Variants in MAN1C1 observed in about 807,000 individuals in gnomAD.
MAN1C1 encodes the protein mannosyl-oligosaccharide 1,2-alpha-mannosidase IC.
Under a neutral mutation model 71.5 loss-of-function variants are expected in MAN1C1, and 49 were observed. That is an observed-to-expected ratio of 0.69 (90% CI 0.54 to 0.87). The LOEUF is 0.87. Among genes scored for constraint, MAN1C1 ranks in the 40% least tolerant of loss-of-function variants. MAN1C1 has a pLI of 0.00. For synonymous variants in MAN1C1, 352 were observed against 343.7 expected, an observed-to-expected ratio of 1.02 and a Z score of -0.27; for missense variants, 743 against 835.0, an observed-to-expected ratio of 0.89 and a Z score of 1.36.
chr1:25,635,405 G>A (rs1005485616), intron 1 of MAN1C1, among the ~76,000 whole-genome samples: 1 of 146,488 alleles, frequency 6.8e-6, no homozygotes, highest in Non-Finnish European at 1.5e-5. Flanking sequence ...GTCTAAAATT[G>A]TTCCTAAGAT....
At chr1:25,754,372 C>T (rs2047256846) in intron 5 of MAN1C1, among the ~76,000 whole-genome samples, 1 of 152,188 alleles carries the variant, frequency 6.6e-6, no homozygotes, top group Non-Finnish European at 1.5e-5. Context: ...CGATCACTGT[C>T]CTGGGGAGGT....
intron 1 of MAN1C1, among the ~76,000 whole-genome samples, chr1:25,629,609 C>T (rs1365845744): frequency 4.6e-5 from 7 of 152,076 alleles, no homozygotes; most frequent in Admixed American, 2.6e-4. Context: ...TTAGTAGAGA[C>T]AGGGTTTCAC....
At chr1:25,641,070 CT>C (rs2045530424) in intron 1 of MAN1C1, among the ~76,000 whole-genome samples, 1 of 152,266 alleles carries the variant, frequency 6.6e-6, no homozygotes, top group East Asian at 1.9e-4. Flanking sequence ...TCTGTATAGC[CT>C]GTAGTCTTTT....
At chr1:25,695,033 G>C (rs1173219334) in intron 2 of MAN1C1, among the ~76,000 whole-genome samples, 3 of 151,908 alleles carry the variant, frequency 2.0e-5, no homozygotes, top group Admixed American at 6.5e-5. Flanking sequence ...GTATACATTT[G>C]ACTTATCTGG....
Position 25,763,863 on chromosome 1 carries a change from T to A in MAN1C1, c.1048-11T>A, listed in dbSNP as rs1249738050. 6.2e-7 allele frequency: 1 copy of A among 1,612,724 alleles called. No individual in the cohort carries two copies. Among genetic ancestry groups the A allele is most frequent in the Non-Finnish European group, 8.5e-7 (1 of 1,179,036 alleles). On this transcript the variant is annotated splice_polypyrimidine_tract_variant and intron_variant, in intron 6 of 11. Coordinates refer to ENST00000374332, the MANE Select transcript of MAN1C1 (RefSeq NM_020379.4). Reference sequence around the variant, plus strand: ...AGCATGAAGGCTCACCTGGTGTCCGTCTCTCGGCAGGTCAGGAACATCCGC... The same window carrying A: ...AGCATGAAGGCTCACCTGGTGTCCGACTCTCGGCAGGTCAGGAACATCCGC...
intron 2 of MAN1C1, among the ~76,000 whole-genome samples, chr1:25,724,687 A>T (rs2046810468): frequency 6.6e-6 from 1 of 152,150 alleles, no homozygotes; most frequent in Non-Finnish European, 1.5e-5. Flanking sequence ...CTCTACCATG[A>T]GTGTCTAGGC....
intron 2 of MAN1C1, among the ~76,000 whole-genome samples, chr1:25,718,870 G>A (rs1021730003): frequency 6.6e-6 from 1 of 151,998 alleles, no homozygotes; most frequent in Admixed American, 6.6e-5. Flanking sequence ...TGGCTACTAT[G>A]AATAATGCTG....
At chr1:25,767,959 T>C (rs1572207152) in intron 7 of MAN1C1, among the ~76,000 whole-genome samples, 3 of 65,364 alleles carry the variant, frequency 4.6e-5, no homozygotes, top group Admixed American at 1.9e-4. Flanking sequence ...CTCACATACA[T>C]CCACACTCCC....
chr1:25,699,397 C>T (rs934254476), intron 2 of MAN1C1, among the ~76,000 whole-genome samples: 1 of 151,608 alleles, frequency 6.6e-6, no homozygotes, highest in Non-Finnish European at 1.5e-5. Context: ...GGAGATGTGG[C>T]AAGACCTCGG....
chr1:25,647,268 A>G (rs772257885), intron 1 of MAN1C1, among the ~76,000 whole-genome samples: 5 of 152,032 alleles, frequency 3.3e-5, no homozygotes, highest in Non-Finnish European at 7.4e-5. Flanking sequence ...TTTTGGGAGC[A>G]TGTGGTGGGA....
intron 1 of MAN1C1, among the ~76,000 whole-genome samples, chr1:25,632,075 G>A (rs2045389870): frequency 1.3e-5 from 2 of 152,202 alleles, no homozygotes; most frequent in South Asian, 4.1e-4. Context: ...GCCGTGTCCA[G>A]CCCCAATTCT....
intron 2 of MAN1C1, among the ~76,000 whole-genome samples, chr1:25,704,359 C>G (rs976036358): frequency 6.6e-6 from 1 of 152,238 alleles, no homozygotes; most frequent in African/African-American, 2.4e-5. Context: ...AGTACAGATG[C>G]TGGGAATGGG....
intron 1 of MAN1C1, among the ~76,000 whole-genome samples, chr1:25,635,268 G>GT (rs1016916927): frequency 6.6e-6 from 1 of 151,758 alleles, no homozygotes; most frequent in Non-Finnish European, 1.5e-5. Flanking sequence ...AAGCCAAGAA[G>GT]TTTTTTTGGG....
chr1:25,779,617 T>C lies in MAN1C1; in HGVS notation c.1477+1293T>C, dbSNP rs1260062104. ...AAGACAGCCGCTTAATAAAGCATAT[T>C]GTTCTAGCCAGCCTCGGCTTGTCCT... On this transcript the variant is annotated intron_variant, in intron 9 of 11. Transcript: ENST00000374332. The surrounding 1 kb of genome is among the most constrained non-coding windows in gnomAD (Gnocchi z 4.6). Among the ~76,000 whole-genome samples, 3 of 152,220 alleles carry C rather than the reference T, an allele frequency of 2.0e-5. No homozygotes were observed. Among genetic ancestry groups the C allele is most frequent in the African/African-American group, 7.2e-5 (3 of 41,462 alleles).
chr1:25,642,895 G>A lies in MAN1C1; in HGVS notation c.540+24558G>A, dbSNP rs112467097. On this transcript the variant is annotated intron_variant, in intron 1 of 11. Coordinates refer to ENST00000374332, the MANE Select transcript of MAN1C1 (RefSeq NM_020379.4). ...GTGGTTTCCTGGAGGCCTGTGTGGG[G>A]AGATGATTGTTTGTATATTGGTTTT... Among the ~76,000 whole-genome samples the A allele has an allele frequency of 8.0e-4, 122 of 152,284 alleles. 1 individual carries two copies. Among genetic ancestry groups the A allele is most frequent in the African/African-American group, 2.9e-3 (119 of 41,558 alleles).
chr1:25,742,361 A>G (rs1474974714), intron 2 of MAN1C1, among the ~76,000 whole-genome samples: 4 of 152,208 alleles, frequency 2.6e-5, no homozygotes, highest in Non-Finnish European at 5.9e-5. Context: ...TTTTGGAGGC[A>G]ACTACACAAC....
At chr1:25,704,393 C>T (rs1225703197) in intron 2 of MAN1C1, among the ~76,000 whole-genome samples, 2 of 152,228 alleles carry the variant, frequency 1.3e-5, no homozygotes, top group Admixed American at 1.3e-4. Context: ...CAAGCCATAT[C>T]CTATCCTTAG....
At chr1:25,726,286 G>A (rs949230146) in intron 2 of MAN1C1, among the ~76,000 whole-genome samples, 17 of 152,238 alleles carry the variant, frequency 1.1e-4, no homozygotes, top group East Asian at 7.7e-4. Flanking sequence ...CCAGGGCCAC[G>A]GCAAGGTAGA....
At position 25,753,531 on chromosome 1, in the gene MAN1C1, G is replaced by T. The variant is rs113207909; in HGVS notation, c.882G>T (p.Ala294=). Residue 294 remains alanine (A), a synonymous_variant, in exon 5 of 12, where the codon GCG becomes GCT. Coordinates refer to ENST00000374332, the MANE Select transcript of MAN1C1 (RefSeq NM_020379.4). This position sits in a 1 kb window ranked among gnomAD's most constrained non-coding sequence, Gnocchi z 4.9. ...AIRLGEKLLP[A]FNTPTGIPKG... is the part of the protein sequence containing the mutation. ...GGCTGGGAGAGAAGCTCCTGCCGGC[G>T]TTCAACACCCCCACGGGAATCCCAA... 2.2e-5 allele frequency: 35 copies of T among 1,613,758 alleles called. No individual in the cohort carries two copies. The African/African-American group carries it at 2.4e-4, about 11-fold the overall frequency.
Sources: allele counts gnomAD v4.1 joint callset (sites outside exome capture counted in the v4.1 genomes callset), GRCh38; gene constraint gnomAD v4.1.1; non-coding constraint Gnocchi (gnomAD v3.1); transcripts MANE v1.5; gene names NCBI Gene and HGNC (gene_info 2026-07-23, HGNC 2026-07-21).